The following DCC variants were observed in gnomAD, a reference collection of about 807,000 sequenced individuals.
DCC encodes DCC netrin 1 receptor.
DCC carries 58 observed loss-of-function variants against 172.5 expected under a neutral mutation model. The observed-to-expected ratio is 0.34, with a 90% confidence interval of 0.27 to 0.42. DCC has a LOEUF of 0.42. DCC is among the 10% of genes least tolerant of loss of function. DCC has a pLI of 1.00. For synonymous variants in DCC, 709 were observed against 644.5 expected (o/e 1.10, Z -1.52); for missense variants, 1,740 against 1,791.0 (o/e 0.97, Z 0.51).
intron 5 of DCC, among the ~76,000 whole-genome samples, chr18:53,020,744 G>A (rs1007741531): frequency 1.3e-5 from 2 of 152,158 alleles, no homozygotes; most frequent in Non-Finnish European, 2.9e-5. Context: ...TATGAGATCT[G>A]TAGGGTATGG....
intron 1 of DCC, among the ~76,000 whole-genome samples, chr18:52,370,908 C>T (rs1985094012): frequency 2.0e-5 from 3 of 152,274 alleles, no homozygotes; most frequent in Admixed American, 6.5e-5. Flanking sequence ...GAAATTTTTA[C>T]ACCAAATAAC....
chr18:53,205,718 G>A (rs1185780359), intron 10 of DCC, among the ~76,000 whole-genome samples: 2 of 152,096 alleles, frequency 1.3e-5, no homozygotes, highest in African/African-American at 4.8e-5. Context: ...AGGGGTGATT[G>A]CCCTCCTAGT....
intron 7 of DCC, among the ~76,000 whole-genome samples, chr18:53,112,591 C>T (rs1051530001): frequency 1.3e-5 from 2 of 151,446 alleles, no homozygotes; most frequent in Non-Finnish European, 3.0e-5. Flanking sequence ...GAGAGTAATC[C>T]ATAAGCTATA....
chr18:53,068,818 T>TGTGTGTGTGTGTG (rs763488670), intron 7 of DCC, among the ~76,000 whole-genome samples: 35 of 151,254 alleles, frequency 2.3e-4, no homozygotes, highest in East Asian at 7.8e-4. Flanking sequence ...TGTGTGTGTG[T>TGTGTGTGTGTGTG]TGCTGGGGAC....
intron 2 of DCC, among the ~76,000 whole-genome samples, chr18:52,838,324 TTCTTG>T (rs1207903400): frequency 6.6e-6 from 1 of 152,206 alleles, no homozygotes; most frequent in African/African-American, 2.4e-5. Context: ...TGGCTCTATT[TTCTTG>T]TCTTAGAAAG....
In DCC at chr18:52,352,297, A is replaced by G. The variant is rs1173251758; in HGVS notation, c.91+11419A>G. 2.6e-5 allele frequency among the ~76,000 whole-genome samples: 4 copies of G among 152,170 alleles called. No individual in the cohort carries two copies. The East Asian group carries it at 7.7e-4, about 29-fold the overall frequency. ...TTCACAGGCACAGGCCAGCCCTTCT[A>G]GAACCTGCCTCAATTTTATTGTTGT... On this transcript the variant is annotated intron_variant, in intron 1 of 28. Transcript: ENST00000442544.
At chr18:53,438,003 T>C (rs552002854) in intron 22 of DCC, among the ~76,000 whole-genome samples, 5 of 152,142 alleles carry the variant, frequency 3.3e-5, no homozygotes, top group Non-Finnish European at 7.3e-5. Flanking sequence ...AAAAAGGAAG[T>C]TGCTGAAATT....
At chr18:52,724,610 A>G (rs2036523836) in intron 1 of DCC, among the ~76,000 whole-genome samples, 1 of 152,242 alleles carries the variant, frequency 6.6e-6, no homozygotes, top group Non-Finnish European at 1.5e-5. Context: ...CCTAAGATTT[A>G]CCAACAGACC....
chr18:53,429,236 G>A (rs1911442766), intron 21 of DCC, among the ~76,000 whole-genome samples: 1 of 148,910 alleles, frequency 6.7e-6, no homozygotes, highest in Admixed American at 7.0e-5. Context: ...TGCAGTATTT[G>A]TAAACGTTTT....
chr18:52,860,130 G>A (rs1456764706), intron 2 of DCC, among the ~76,000 whole-genome samples: 1 of 152,152 alleles, frequency 6.6e-6, no homozygotes, highest in African/African-American at 2.4e-5. Flanking sequence ...GAAAAACAAA[G>A]GTTAATATCT....
At chr18:53,335,699 A>G (rs73957153) in intron 14 of DCC, among the ~76,000 whole-genome samples, 7,034 of 152,202 alleles carry the variant, frequency 0.046, 592 homozygotes, top group African/African-American at 0.16. Context: ...AGACTCTAGT[A>G]AAAATTTGGG....
chr18:53,443,963 A>T (rs898479476), intron 22 of DCC, among the ~76,000 whole-genome samples: 1 of 152,230 alleles, frequency 6.6e-6, no homozygotes, highest in Non-Finnish European at 1.5e-5. Context: ...ATTTTAACAG[A>T]TGAGGAGTTG....
At chr18:53,362,654 C>T (rs1434622440) in intron 15 of DCC, among the ~76,000 whole-genome samples, 13 of 151,422 alleles carry the variant, frequency 8.6e-5, no homozygotes, top group Non-Finnish European at 1.3e-4. Context: ...TTTTTTTCTT[C>T]TTTTCTGAAT....
chr18:53,394,567 G>C (rs761141650), intron 17 of DCC, among the ~76,000 whole-genome samples: 2 of 151,734 alleles, frequency 1.3e-5, no homozygotes, highest in South Asian at 4.2e-4. Flanking sequence ...TATATCCATC[G>C]AGTGTTGACT....
At chr18:52,999,081 T>C (rs1490592829) in intron 5 of DCC, among the ~76,000 whole-genome samples, 1 of 152,102 alleles carries the variant, frequency 6.6e-6, no homozygotes, top group Non-Finnish European at 1.5e-5. Context: ...AGCTATTGAA[T>C]GCAAAGGGAC....
intron 16 of DCC, 46 bp downstream of exon 16, chr18:53,386,184 A>G (rs1003903573): frequency 2.3e-6 from 3 of 1,287,710 alleles, no homozygotes; most frequent in African/African-American, 1.5e-5. Flanking sequence ...TATTTGATTT[A>G]TGGTGAAAAA....
chr18:53,044,267 T>C (rs2042207317), intron 5 of DCC, among the ~76,000 whole-genome samples: 1 of 151,774 alleles, frequency 6.6e-6, no homozygotes, highest in Non-Finnish European at 1.5e-5. Context: ...CTTTTTTGGT[T>C]TGGAAAAAAG....
At chr18:53,259,731 G>T (rs950161619) in intron 12 of DCC, among the ~76,000 whole-genome samples, 4 of 152,100 alleles carry the variant, frequency 2.6e-5, no homozygotes, top group Non-Finnish European at 5.9e-5. Flanking sequence ...GGTGTTCTCT[G>T]TATTTCATGA....
intron 1 of DCC, among the ~76,000 whole-genome samples, chr18:52,682,596 A>G (rs547041360): frequency 6.6e-6 from 1 of 152,248 alleles, no homozygotes; most frequent in South Asian, 2.1e-4. Flanking sequence ...CTAAACGCCA[A>G]GCATCTGCTA....
Sources: gnomAD v4.1 joint callset for allele counts (sites outside exome capture counted in the v4.1 genomes callset) on GRCh38, gnomAD v4.1.1 for gene constraint, MANE v1.5 for transcripts, NCBI Gene and HGNC (gene_info 2026-07-23, HGNC 2026-07-21) for gene names.